The following KIF26A variants were observed in gnomAD, a reference collection of about 807,000 sequenced individuals.
KIF26A encodes the protein kinesin-like protein KIF26A.
In KIF26A, 74 loss-of-function variants were observed where a neutral mutation model predicts 126.0. The ratio of observed to expected loss-of-function variants is 0.59; its 90% confidence interval spans 0.49 to 0.71. The LOEUF (loss-of-function observed/expected upper bound fraction) is 0.71, where lower values mean the gene tolerates loss of function less well. Among genes scored for constraint, KIF26A ranks in the 30% least tolerant of loss-of-function variants. The pLI is 0.00. For missense variants in KIF26A, 2,984 were observed against 2,763.3 expected, an observed-to-expected ratio of 1.08 and a Z score of -1.79; for synonymous variants, 1,445 against 1,232.7, an observed-to-expected ratio of 1.17 and a Z score of -3.61.
intron 4 of KIF26A, among the ~76,000 whole-genome samples, chr14:104,166,186 C>CAGGGGCA (rs57861406): frequency 8.4e-4 from 123 of 145,640 alleles, no homozygotes; most frequent in African/African-American, 2.7e-3. Context: ...TGGCAGGGGC[C>CAGGGGCA]CAGGAGCTGG....
At chr14:104,166,439 T>C (rs1322892318) in intron 4 of KIF26A, among the ~76,000 whole-genome samples, 1 of 152,132 alleles carries the variant, frequency 6.6e-6, no homozygotes, top group Admixed American at 6.5e-5. Flanking sequence ...GCCAGGTGGA[T>C]GTGCCCAGGT....
chr14:104,159,669 G>A (rs905246487), intron 4 of KIF26A, among the ~76,000 whole-genome samples: 1 of 152,228 alleles, frequency 6.6e-6, no homozygotes, highest in Admixed American at 6.5e-5. Context: ...AGGCGGGGGC[G>A]CTGCCGGCTG....
intron 2 of KIF26A, among the ~76,000 whole-genome samples, chr14:104,142,692 G>A (rs569435261): frequency 1.3e-5 from 2 of 152,192 alleles, no homozygotes; most frequent in East Asian, 3.9e-4. Flanking sequence ...GGCCCCCCTC[G>A]CTTCCCCATG....
rs1453624203 is a variant in KIF26A, at chr14:104,176,299, C to T, written c.3511C>T (p.Pro1171Ser). The T allele has an allele frequency of 3.2e-6, 5 of 1,584,640 alleles. No individual in the cohort carries two copies. Among genetic ancestry groups the T allele is most frequent in the Non-Finnish European group, 4.3e-6 (5 of 1,162,642 alleles). Residue 1171 changes from proline to serine, a missense_variant, in exon 12 of 15, where the codon CCA (proline) becomes TCA (serine). By Grantham distance (74) the Pro-to-Ser change is moderately conservative. Coordinates refer to ENST00000423312, the MANE Select transcript of KIF26A (RefSeq NM_015656.2). The part of the protein sequence containing the change: ...LGPDRPDSPG[P>S]TWGPCPGEVA... Reference sequence around the variant, plus strand: ...GCCAGACAGACCTGACAGTCCTGGGCCAACCTGGGGTCCGTGCCCTGGGGA... The same window carrying T: ...GCCAGACAGACCTGACAGTCCTGGGTCAACCTGGGGTCCGTGCCCTGGGGA...
chr14:104,166,186 C>T (rs28569107), intron 4 of KIF26A, among the ~76,000 whole-genome samples: 6 of 145,542 alleles, frequency 4.1e-5, no homozygotes. Context: ...TGGCAGGGGC[C>T]CAGGAGCTGG....
intron 4 of KIF26A, among the ~76,000 whole-genome samples, chr14:104,162,424 C>T (rs934641012): frequency 6.6e-6 from 1 of 152,206 alleles, no homozygotes. Flanking sequence ...GGACGCTGCT[C>T]CTGGGAGGGT....
At chr14:104,174,036 G>A (rs912731331) in intron 10 of KIF26A, 112 bp from the exon 11 acceptor site, 15 of 1,408,822 alleles carry the variant, frequency 1.1e-5, no homozygotes, top group African/African-American at 1.5e-5. Flanking sequence ...CCCACGCTGG[G>A]CTGGTGCCGG....
At chr14:104,172,827 C>T (rs1596147475) in intron 7 of KIF26A, 150 bp from the exon 8 acceptor site, 5 of 1,193,794 alleles carry the variant, frequency 4.2e-6, no homozygotes, top group South Asian at 1.6e-5. Context: ...GGAAGCTGAA[C>T]CCCTGCCGAA....
In KIF26A at chr14:104,164,743, G is replaced by C. The variant is rs1255461596; in HGVS notation, c.924-2116G>C. On this transcript the variant is annotated intron_variant, in intron 4 of 14. Coordinates refer to ENST00000423312, the MANE Select transcript of KIF26A (RefSeq NM_015656.2). The stretch of plus-strand genomic sequence containing the variant: ...TGTGTGCGTGTCTGTGTGTGTGCGC[G>C]TGTCTGTGTGTGTGCGCGTGTCTGT... Among the ~76,000 whole-genome samples, 5 of 147,168 alleles carry C rather than the reference G, an allele frequency of 3.4e-5. No homozygotes were observed. In the East Asian group the frequency reaches 9.7e-4, roughly 29 times the overall value.
chr14:104,171,847 C>G lies in KIF26A; in HGVS notation c.1238C>G (p.Pro413Arg). 1 of 1,555,402 alleles carries G rather than the reference C, an allele frequency of 6.4e-7. No individual in the cohort carries two copies. The highest frequency in any genetic ancestry group is 8.7e-7 in the Non-Finnish European group (1 of 1,150,688). Residue 413 changes from proline to arginine, a missense_variant, in exon 6 of 15, where the codon CCA becomes CGA. Coordinates refer to ENST00000423312, the MANE Select transcript of KIF26A (RefSeq NM_015656.2). ...CTCTACGATCCCGCCGCCGGTCCCC[C>G]AGGCAGCGCAGGCCCCCGGCGAGCC... The part of the protein sequence containing the change: ...VILYDPAAGP[P>R]GSAGPRRAAT...
chr14:104,168,596 CCACCAGGAGCCT>C (rs1435072537), intron 5 of KIF26A, among the ~76,000 whole-genome samples: 1 of 152,160 alleles, frequency 6.6e-6, no homozygotes, highest in African/African-American at 2.4e-5. Flanking sequence ...TGTGGTGAGA[CCACCAGGAGCCT>C]CCCGATCTCC....
chr14:104,165,382 C>G (rs2037879026), intron 4 of KIF26A, among the ~76,000 whole-genome samples: 2 of 110,342 alleles, frequency 1.8e-5, no homozygotes, highest in Admixed American at 8.8e-5. Context: ...GTGCATGTGT[C>G]TCTGTGTCTG....
chr14:104,177,952 T>A (rs1192650327), intron 12 of KIF26A, 54 bp downstream of exon 12: 2 of 1,429,204 alleles, frequency 1.4e-6, no homozygotes, highest in Non-Finnish European at 1.8e-6. Context: ...TGTGTGTAGA[T>A]GTGCACAGCC....
chr14:104,177,065 T>A lies in KIF26A; in HGVS notation c.4277T>A (p.Val1426Glu). 1 of 1,591,356 alleles carries A rather than the reference T, an allele frequency of 6.3e-7. No individual in the cohort carries two copies. Among genetic ancestry groups the A allele is most frequent in the Non-Finnish European group, 8.5e-7 (1 of 1,176,886 alleles). Reference sequence around the variant, plus strand: ...AGCCTGAAGGCCCGGGCCAGCAAGGTAGAAGCAGCACACCGTCTTGCCGGA... The same window carrying A: ...AGCCTGAAGGCCCGGGCCAGCAAGGAAGAAGCAGCACACCGTCTTGCCGGA... Reference protein sequence around the residue: ...TSSLKARASKVEAAHRLAGHA... With the variant: ...TSSLKARASKEEAAHRLAGHA... The change falls in exon 12 of 15, where the codon GTA becomes GAA. Residue 1426 changes from valine to glutamate, a missense_variant. By Grantham distance (121) the Val-to-Glu change is moderately radical (BLOSUM62 -2). Transcript: ENST00000423312.
rs763095010 is a variant in KIF26A, at chr14:104,172,570, C to G, written c.1327-5C>G. On this transcript the variant is annotated splice_polypyrimidine_tract_variant and splice_region_variant and intron_variant, in intron 6 of 14. Coordinates refer to ENST00000423312, the MANE Select transcript of KIF26A (RefSeq NM_015656.2). ...CAGCCCTGCCTGATTCTCTTGCCCC[C>G]CTAGGCCGAAGTCTGCTCGGGGACC... 69 of 1,610,830 alleles carry G rather than the reference C, an allele frequency of 4.3e-5. No homozygotes were observed. The East Asian group carries it at 1.0e-3, about 23-fold the overall frequency.
Position 104,179,397 on chromosome 14 carries a change from C to T in KIF26A, c.5467+11C>T. On this transcript the variant is annotated intron_variant, in intron 14 of 14. Coordinates refer to ENST00000423312, the MANE Select transcript of KIF26A (RefSeq NM_015656.2). Reference sequence around the variant, plus strand: ...GCTGGCTGGAGCAGTGTGAGTCCCGCCCGCCCACGGACCCAGCCCGGCCCA... The same window carrying T: ...GCTGGCTGGAGCAGTGTGAGTCCCGTCCGCCCACGGACCCAGCCCGGCCCA... 1 of 1,495,220 alleles carries T rather than the reference C, an allele frequency of 6.7e-7. No individual in the cohort carries two copies. Among genetic ancestry groups the T allele is most frequent in the Non-Finnish European group, 8.9e-7 (1 of 1,126,862 alleles). The allele number at this position is 1,495,220 out of a possible 1,614,324, so 92.6% of individuals were successfully genotyped here. A position where few individuals can be genotyped will look rare whatever the true frequency, so the allele number is the denominator to read the frequency against.
chr14:104,175,078 C>G lies in KIF26A; in HGVS notation c.2290C>G (p.Leu764Val). 6.3e-7 allele frequency: 1 copy of G among 1,594,114 alleles called. No individual in the cohort carries two copies. Among genetic ancestry groups the G allele is most frequent in the Non-Finnish European group, 8.5e-7 (1 of 1,172,288 alleles). ...LRPFHPRTVA[L>V]DPDRTPPCLP... ...GCCCTTCCACCCACGCACTGTGGCC[C>G]TGGACCCCGACCGCACGCCTCCCTG... The change falls in exon 12 of 15, where the codon CTG (leucine) becomes GTG (valine). Residue 764 changes from leucine to valine, a missense_variant. Leu to Val is a conservative substitution (Grantham distance 32). Coordinates refer to ENST00000423312, the MANE Select transcript of KIF26A (RefSeq NM_015656.2).
At chr14:104,167,585 C>G (rs1318207695) in intron 5 of KIF26A, among the ~76,000 whole-genome samples, 1 of 152,082 alleles carries the variant, frequency 6.6e-6, no homozygotes, top group Non-Finnish European at 1.5e-5. Context: ...CTGGCTGTCC[C>G]TGGAGCTCTG....
At position 104,151,447 on chromosome 14, in the gene KIF26A, C is replaced by T. The variant is rs930514412; in HGVS notation, c.289-568C>T. Reference sequence around the variant, plus strand: ...CGATCCTGCGGCTCTTGCGCCCCTTCGGTGAGCTCATGTGCCCTCTAGGAG... The same window carrying T: ...CGATCCTGCGGCTCTTGCGCCCCTTTGGTGAGCTCATGTGCCCTCTAGGAG... On this transcript the variant is annotated intron_variant, in intron 2 of 14. Transcript: ENST00000423312. The surrounding 1 kb of genome is among the most constrained non-coding windows in gnomAD (Gnocchi z 4.9). Among the ~76,000 whole-genome samples, 4 of 152,200 alleles carry T rather than the reference C, an allele frequency of 2.6e-5. No homozygotes were observed. Among genetic ancestry groups the T allele is most frequent in the Admixed American group, 1.3e-4 (2 of 15,290 alleles).
Sources: gnomAD v4.1 joint callset for allele counts (sites outside exome capture counted in the v4.1 genomes callset) on GRCh38, gnomAD v4.1.1 for gene constraint, Gnocchi (gnomAD v3.1) non-coding constraint, MANE v1.5 for transcripts, NCBI Gene and HGNC (gene_info 2026-07-23, HGNC 2026-07-21) for gene names.